The following SUMF1 variants were observed in gnomAD, a reference collection of about 807,000 sequenced individuals.
The protein encoded by SUMF1 is sulfatase modifying factor 1, also known as formylglycine-generating enzyme.
A neutral mutation model predicts 47.6 loss-of-function variants in SUMF1; 48 were observed. The observed-to-expected ratio is 1.01, with a 90% CI of 0.80 to 1.28. The LOEUF is 1.28. SUMF1 is among the 50% of genes most tolerant of loss of function. SUMF1 has a pLI of 0.00. For synonymous variants in SUMF1, 230 were observed against 192.1 expected, an observed-to-expected ratio of 1.20 and a Z score of -1.63; for missense variants, 571 against 485.4, an observed-to-expected ratio of 1.18 and a Z score of -1.66.
At chr3:4,191,048 G>A (rs1346747872) in intron 8 of SUMF1, among the ~76,000 whole-genome samples, 3 of 152,134 alleles carry the variant, frequency 2.0e-5, no homozygotes, top group African/African-American at 4.8e-5. Context: ...CTGGGAGGGT[G>A]CTATCATGGA....
At chr3:4,379,649 C>CT (rs142670901) in intron 7 of SUMF1, among the ~76,000 whole-genome samples, 6,233 of 152,160 alleles carry the variant, frequency 0.041, 374 homozygotes, top group African/African-American at 0.14. Context: ...GGAGCCCACC[C>CT]TGGCCAATAT....
chr3:4,368,604 C>T (rs6764880), intron 8 of SUMF1, among the ~76,000 whole-genome samples: 96,083 of 151,268 alleles, frequency 0.64, 31,318 homozygotes, highest in African/African-American at 0.76. Flanking sequence ...CCAACCATGA[C>T]AGACTGGATT....
chr3:4,186,035 T>A (rs1024777050), intron 8 of SUMF1, among the ~76,000 whole-genome samples: 6 of 152,188 alleles, frequency 3.9e-5, no homozygotes, highest in Admixed American at 3.3e-4. Flanking sequence ...ATGGACAGTA[T>A]CTTCAAGATG....
At chr3:4,410,191 C>T (rs1355226620) in intron 7 of SUMF1, among the ~76,000 whole-genome samples, 2 of 152,192 alleles carry the variant, frequency 1.3e-5, no homozygotes, top group East Asian at 3.8e-4. Context: ...CACACATGTC[C>T]ATGTAGTGTC....
rs372862581 is a variant in SUMF1 at position 4,367,290 on chromosome 3, T to C, written c.1015-5036A>G. On this transcript the variant is annotated intron_variant, in intron 8 of 8. Transcript: ENST00000272902. ...CATTTAAGTCTGCAGAGGTTACTGCTATCTTTTTGTTTGTCTGTGCCCTGC... is the reference window on the plus strand; with the variant it reads ...CATTTAAGTCTGCAGAGGTTACTGCCATCTTTTTGTTTGTCTGTGCCCTGC... 3.7e-3 allele frequency among the ~76,000 whole-genome samples: 559 copies of C among 152,338 alleles called. 17 individuals are homozygous for C. In the East Asian group the frequency reaches 0.08, roughly 22 times the overall value.
intron 9 of SUMF1, among the ~76,000 whole-genome samples, chr3:4,059,356 T>C (rs1406870813): frequency 6.6e-6 from 1 of 152,108 alleles, no homozygotes; most frequent in African/African-American, 2.4e-5. Flanking sequence ...TCTATGCTCA[T>C]AGGAGGAGGA....
At chr3:4,072,117 T>C (rs1394346753) in intron 8 of SUMF1, among the ~76,000 whole-genome samples, 4 of 152,134 alleles carry the variant, frequency 2.6e-5, no homozygotes, top group Admixed American at 2.6e-4. Flanking sequence ...ATATTTGCTG[T>C]TCTGCAGCCT....
chr3:4,254,721 C>A (rs1352240891), intron 8 of SUMF1, among the ~76,000 whole-genome samples: 3 of 149,914 alleles, frequency 2.0e-5, no homozygotes, highest in African/African-American at 4.9e-5. Context: ...CTTCCCCAAT[C>A]TAGCAAGGCA....
At position 4,417,227 on chromosome 3, in the gene SUMF1, G is replaced by A; in HGVS notation, c.741C>T (p.Gly247=). 1 of 1,613,966 alleles carries A rather than the reference G, an allele frequency of 6.2e-7. No individual in the cohort carries two copies. Among genetic ancestry groups the A allele is most frequent in the Admixed American group, 1.7e-5 (1 of 60,012 alleles). ...GCTGGCCTTTGGGCTGCAGTTTGTT[G>A]CCCCAGGGGAAAAGTCTGTCAGAAG... ...GGLHNRLFPW[G]NKLQPKGQHY... Residue 247 remains glycine, a synonymous_variant, in exon 6 of 9, where the codon GGC becomes GGT. Coordinates refer to ENST00000272902, the MANE Select transcript of SUMF1 (RefSeq NM_182760.4).
At chr3:4,420,846 A>T (rs1311537510) in intron 3 of SUMF1, among the ~76,000 whole-genome samples, 4 of 152,202 alleles carry the variant, frequency 2.6e-5, no homozygotes, top group African/African-American at 9.6e-5. Context: ...TGGTGGTCAG[A>T]GATCAAGCTG....
intron 4 of SUMF1, among the ~76,000 whole-genome samples, chr3:4,418,471 T>C (rs1293868684): frequency 2.0e-5 from 3 of 152,118 alleles, no homozygotes; most frequent in African/African-American, 7.2e-5. Context: ...TCCTTTGGGG[T>C]TCAGCAGAGC....
chr3:4,226,443 T>C (rs1397493471), intron 8 of SUMF1, among the ~76,000 whole-genome samples: 3 of 151,750 alleles, frequency 2.0e-5, no homozygotes, highest in African/African-American at 7.3e-5. Flanking sequence ...CTAATTTTTG[T>C]CTTTTTAGTA....
At chr3:4,202,171 C>G (rs1695554186) in intron 8 of SUMF1, among the ~76,000 whole-genome samples, 1 of 152,030 alleles carries the variant, frequency 6.6e-6, no homozygotes, top group South Asian at 2.1e-4. Context: ...CCAAAGAAAT[C>G]TTTGCCCAGA....
intron 8 of SUMF1, among the ~76,000 whole-genome samples, chr3:4,366,222 T>G (rs1334380429): frequency 6.6e-6 from 1 of 152,058 alleles, no homozygotes; most frequent in Admixed American, 6.5e-5. Context: ...GAGGAGTATC[T>G]TTGTGGTGTT....
chr3:4,158,795 G>C (rs1359918584), intron 8 of SUMF1, among the ~76,000 whole-genome samples: 1 of 151,422 alleles, frequency 6.6e-6, no homozygotes, highest in Non-Finnish European at 1.5e-5. Context: ...TATAAGCATA[G>C]GTACTTCTGC....
At position 4,361,291 on chromosome 3, in the gene SUMF1, A is replaced by C. The variant is rs548008330; in HGVS notation, c.*853T>G. ...TCAAGGTCCTCGTTCCTTTTTCCCTATATCTAGAATTAAACAGGTTTCCCC... is the reference window on the plus strand; with the variant it reads ...TCAAGGTCCTCGTTCCTTTTTCCCTCTATCTAGAATTAAACAGGTTTCCCC... On this transcript the variant is annotated 3_prime_UTR_variant, in exon 9 of 9. Coordinates refer to ENST00000272902, the MANE Select transcript of SUMF1 (RefSeq NM_182760.4). 1 of 152,556 alleles carries C rather than the reference A, an allele frequency of 6.6e-6. No individual in the cohort carries two copies. The highest frequency in any genetic ancestry group is 1.9e-4 in the East Asian group (1 of 5,192). The allele number at this position is 152,556 out of a possible 1,614,324, so 9.5% of individuals were successfully genotyped here.
intron 9 of SUMF1, among the ~76,000 whole-genome samples, chr3:4,049,227 G>A (rs1252844923): frequency 6.6e-6 from 1 of 152,156 alleles, no homozygotes; most frequent in Non-Finnish European, 1.5e-5. Context: ...AGCTAACAGA[G>A]CATTTCCAGT....
chr3:4,374,844 C>G lies in SUMF1; in HGVS notation c.1014+1486G>C, dbSNP rs375065071. On this transcript the variant is annotated intron_variant, in intron 8 of 8. Coordinates refer to ENST00000272902, the MANE Select transcript of SUMF1 (RefSeq NM_182760.4). Reference sequence around the variant, plus strand: ...GTAAATATATTGGGAAGACCTGGGACAATGCTTTTAATTTAAAATTAAAAC... The same window carrying G: ...GTAAATATATTGGGAAGACCTGGGAGAATGCTTTTAATTTAAAATTAAAAC... Among the ~76,000 whole-genome samples the G allele has an allele frequency of 5.4e-4, 82 of 152,174 alleles. 1 individual carries two copies. In the South Asian group the frequency reaches 0.017, roughly 32 times the overall value.
intron 8 of SUMF1, among the ~76,000 whole-genome samples, chr3:4,206,250 T>C (rs1235590905): frequency 6.6e-6 from 1 of 151,802 alleles, no homozygotes; most frequent in East Asian, 2.0e-4. Context: ...AAACACTCCT[T>C]TGGCTGCCCC....
Sources: allele counts gnomAD v4.1 joint callset (sites outside exome capture counted in the v4.1 genomes callset), GRCh38; gene constraint gnomAD v4.1.1; transcripts MANE v1.5; gene names NCBI Gene and HGNC (gene_info 2026-07-23, HGNC 2026-07-21).